CFDP1: variants seen among roughly 807,000 people sequenced by gnomAD.
CFDP1 encodes the protein heterochromatin-stabilizing protein CFDP1.
Under a neutral mutation model 40.1 loss-of-function variants are expected in CFDP1, and 31 were observed. That is an observed-to-expected ratio of 0.77 (90% CI 0.58 to 1.04). CFDP1 has a LOEUF of 1.04. Among genes scored for constraint, CFDP1 ranks in the 50% least tolerant of loss-of-function variants. The pLI is 0.00. For synonymous variants in CFDP1, 167 were observed against 120.0 expected (o/e 1.39, Z -2.56); for missense variants, 423 against 343.4 (o/e 1.23, Z -1.83).
At chr16:75,430,739 T>C (rs1356593791) in intron 1 of CFDP1, among the ~76,000 whole-genome samples, 1 of 152,186 alleles carries the variant, frequency 6.6e-6, no homozygotes, top group East Asian at 1.9e-4. Flanking sequence ...GATAGGATTA[T>C]AGGCTCGAGC....
At chr16:75,398,900 A>C (rs2079022231) in intron 4 of CFDP1, among the ~76,000 whole-genome samples, 1 of 151,744 alleles carries the variant, frequency 6.6e-6, no homozygotes, top group Non-Finnish European at 1.5e-5. Context: ...TAAAAAATAC[A>C]AAAAAAATTA....
intron 1 of CFDP1, among the ~76,000 whole-genome samples, chr16:75,421,727 T>C (rs1383398065): frequency 6.6e-6 from 1 of 152,174 alleles, no homozygotes; most frequent in African/African-American, 2.4e-5. Context: ...TATCTGATAC[T>C]AAAATCACAC....
chr16:75,340,151 A>G (rs911681215), intron 5 of CFDP1, among the ~76,000 whole-genome samples: 1 of 152,236 alleles, frequency 6.6e-6, no homozygotes, highest in African/African-American at 2.4e-5. Context: ...GAATCAATTC[A>G]TCGCAATCTA....
At chr16:75,430,571 C>G (rs2079400594) in intron 1 of CFDP1, among the ~76,000 whole-genome samples, 1 of 152,008 alleles carries the variant, frequency 6.6e-6, no homozygotes, top group Non-Finnish European at 1.5e-5. Context: ...TTCAAGAGAT[C>G]TCGTGCCTCA....
rs552169235 is a variant in CFDP1 at position 75,408,831 on chromosome 16, AT to A, written c.530+2993del. ...ATTCAAAGTGTGTGTCTGACATTTA[AT>A]ACTGAGAATTGATATTTTACTCAGC... On this transcript the variant is annotated intron_variant, in intron 4 of 6. Coordinates refer to ENST00000283882, the MANE Select transcript of CFDP1 (RefSeq NM_006324.3). 3.9e-5 allele frequency among the ~76,000 whole-genome samples: 6 copies of A among 152,116 alleles called. No individual in the cohort carries two copies. In the East Asian group the frequency reaches 1.2e-3, roughly 29 times the overall value.
At chr16:75,367,911 C>A (rs918821930) in intron 5 of CFDP1, among the ~76,000 whole-genome samples, 42 of 152,048 alleles carry the variant, frequency 2.8e-4, no homozygotes, top group African/African-American at 9.4e-4. Flanking sequence ...TCGAGACCAG[C>A]CCAGCCAACA....
chr16:75,300,130 A>C (rs2078212051), intron 6 of CFDP1, among the ~76,000 whole-genome samples: 1 of 152,190 alleles, frequency 6.6e-6, no homozygotes, highest in South Asian at 2.1e-4. Context: ...GAAAGGGTAC[A>C]GAGGTAGAAG....
At chr16:75,295,844 A>T (rs1414846645) in intron 6 of CFDP1, among the ~76,000 whole-genome samples, 1 of 152,242 alleles carries the variant, frequency 6.6e-6, no homozygotes, top group Non-Finnish European at 1.5e-5. Context: ...GAAAAAGGGA[A>T]GACAGGTAGG....
chr16:75,296,878 A>G (rs2078185814), intron 6 of CFDP1, among the ~76,000 whole-genome samples: 2 of 152,218 alleles, frequency 1.3e-5, no homozygotes, highest in Admixed American at 1.3e-4. Context: ...AGAGCTGACC[A>G]TGAACAAAAC....
intron 5 of CFDP1, chr16:75,394,540 T>C (rs1567669911): frequency 6.6e-6 from 1 of 152,168 alleles, no homozygotes; most frequent in Admixed American, 6.6e-5. Flanking sequence ...GATATTTTCA[T>C]TTGAAAAGTA....
intron 1 of CFDP1, among the ~76,000 whole-genome samples, chr16:75,415,755 T>A (rs912285306): frequency 2.0e-5 from 3 of 152,222 alleles, no homozygotes; most frequent in African/African-American, 7.2e-5. Context: ...GACTATACCA[T>A]AATCCGTTTA....
chr16:75,360,520 G>T (rs879742348), intron 5 of CFDP1, among the ~76,000 whole-genome samples: 7 of 152,160 alleles, frequency 4.6e-5, no homozygotes, highest in African/African-American at 1.4e-4. Context: ...TACATGGAAA[G>T]GAATACTACC....
intron 2 of CFDP1, 74 bp downstream of exon 2, chr16:75,414,504 T>G (rs1485306323): frequency 3.4e-6 from 3 of 875,226 alleles, no homozygotes; most frequent in Non-Finnish European, 5.7e-6. Flanking sequence ...AAATCTATCA[T>G]GAGACCAATC....
intron 2 of CFDP1, among the ~76,000 whole-genome samples, chr16:75,412,990 T>C (rs1799603466): frequency 6.7e-6 from 1 of 149,646 alleles, no homozygotes; most frequent in Admixed American, 6.7e-5. Flanking sequence ...TCACTTAAAA[T>C]CAAAGTATAG....
Position 75,395,009 on chromosome 16 carries a change from A to T in CFDP1, c.650+81T>A, listed in dbSNP as rs556063080. ...TTCTCTCTCTCAGGCAAGGAGTCTG[A>T]TCTGCAGCGAAAGTAGGTATTTGCA... On this transcript the variant is annotated intron_variant, in intron 5 of 6. Transcript: ENST00000283882. The T allele has an allele frequency of 5.2e-6, 8 of 1,538,532 alleles. No individual in the cohort carries two copies. In the East Asian group the frequency reaches 6.9e-5, roughly 13 times the overall value.
intron 5 of CFDP1, among the ~76,000 whole-genome samples, chr16:75,355,939 T>G (rs527240536): frequency 6.6e-6 from 1 of 152,368 alleles, no homozygotes; most frequent in Non-Finnish European, 1.5e-5. Context: ...ATACAGGCTA[T>G]ACTTCTCATA....
At chr16:75,382,228 T>C (rs1328310583) in intron 5 of CFDP1, among the ~76,000 whole-genome samples, 1 of 152,140 alleles carries the variant, frequency 6.6e-6, no homozygotes, top group Non-Finnish European at 1.5e-5. Context: ...TAGAGTTGTG[T>C]TCCATTTTCC....
At chr16:75,408,791 A>T (rs554871030) in intron 4 of CFDP1, among the ~76,000 whole-genome samples, 13 of 152,152 alleles carry the variant, frequency 8.5e-5, no homozygotes, top group South Asian at 2.1e-4. Flanking sequence ...ATAATAATAA[A>T]AAAAAATAGT....
chr16:75,320,850 C>G (rs1035296607), intron 5 of CFDP1, among the ~76,000 whole-genome samples: 1 of 152,206 alleles, frequency 6.6e-6, no homozygotes. Flanking sequence ...TGACCTGAGT[C>G]ACACCAAGGA....
Sources: allele counts gnomAD v4.1 joint callset (sites outside exome capture counted in the v4.1 genomes callset), GRCh38; gene constraint gnomAD v4.1.1; transcripts MANE v1.5; gene names NCBI Gene and HGNC (gene_info 2026-07-23, HGNC 2026-07-21).